ST6GALNAC2: variants seen among roughly 807,000 people sequenced by gnomAD.
ST6GALNAC2 encodes the protein ST6 N-acetylgalactosaminide alpha-2,6-sialyltransferase 2.
ST6GALNAC2 carries 42 observed loss-of-function variants against 38.7 expected under a neutral mutation model. That is an observed-to-expected ratio of 1.09 (90% confidence interval 0.85 to 1.40). The LOEUF is 1.40. Ranked by LOEUF, ST6GALNAC2 falls within the 40% of genes most tolerant of loss-of-function variation. ST6GALNAC2 has a pLI of 0.00. For synonymous variants in ST6GALNAC2, 233 were observed against 209.0 expected, an observed-to-expected ratio of 1.11 and a Z score of -0.99; for missense variants, 506 against 481.7, an observed-to-expected ratio of 1.05 and a Z score of -0.47.
intron 2 of ST6GALNAC2, among the ~76,000 whole-genome samples, chr17:76,577,930 G>C (rs1262324770): frequency 6.6e-6 from 1 of 152,110 alleles, no homozygotes; most frequent in Non-Finnish European, 1.5e-5. Context: ...CTGTGTCTCT[G>C]AACAGCTTGG....
chr17:76,579,471 T>G (rs1197005630), intron 1 of ST6GALNAC2, among the ~76,000 whole-genome samples: 2 of 152,244 alleles, frequency 1.3e-5, no homozygotes, highest in Non-Finnish European at 2.9e-5. Flanking sequence ...AGGTCTGAGA[T>G]GACTGGGCCT....
At chr17:76,580,758 TA>T (rs2075466526) in intron 1 of ST6GALNAC2, among the ~76,000 whole-genome samples, 1 of 150,718 alleles carries the variant, frequency 6.6e-6, no homozygotes, top group Non-Finnish European at 1.5e-5. Context: ...AAAAAGAAAA[TA>T]AAAGAAAAAT....
chr17:76,566,130 C>G lies in ST6GALNAC2; in HGVS notation c.1099G>C (p.Gly367Arg), dbSNP rs764432426. The change falls in exon 9 of 9, where the codon GGC (glycine) becomes CGC (arginine). Residue 367 changes from glycine to arginine, a missense_variant. Gly to Arg is a moderately radical substitution (Grantham distance 125). Coordinates refer to ENST00000225276, the MANE Select transcript of ST6GALNAC2 (RefSeq NM_006456.3). ...CAGCGCTGGTACAGCTGAAGGATGCCGGCCTTGTGCAGGTCCCTCCACAGG... is the reference window on the plus strand; with the variant it reads ...CAGCGCTGGTACAGCTGAAGGATGCGGGCCTTGTGCAGGTCCCTCCACAGG... ...AALWRDLHKA[G>R]ILQLYQR 1.2e-6 allele frequency: 2 copies of G among 1,614,058 alleles called. No homozygotes were observed. Among genetic ancestry groups the G allele is most frequent in the Non-Finnish European group, 1.7e-6 (2 of 1,179,982 alleles).
chr17:76,571,045 C>G lies in ST6GALNAC2; in HGVS notation c.670-377G>C, dbSNP rs142795830. Reference sequence around the variant, plus strand: ...AGTTAGCTGCCATGTCGTGAGGACACTCAAATAGCCTACAGAGGGCCCAAG... The same window carrying G: ...AGTTAGCTGCCATGTCGTGAGGACAGTCAAATAGCCTACAGAGGGCCCAAG... On this transcript the variant is annotated intron_variant, in intron 5 of 8. Coordinates refer to ENST00000225276, the MANE Select transcript of ST6GALNAC2 (RefSeq NM_006456.3). 3.5e-3 allele frequency: 605 copies of G among 174,232 alleles called. 5 individuals are homozygous for G. Among genetic ancestry groups the G allele is most frequent in the African/African-American group, 0.013 (569 of 42,432 alleles). The allele number at this position is 174,232 out of a possible 1,614,324, so 10.8% of individuals were successfully genotyped here.
chr17:76,574,539 C>T lies in ST6GALNAC2; in HGVS notation c.187G>A (p.Gly63Ser). 7.0e-7 allele frequency: 1 copy of T among 1,426,948 alleles called. No individual in the cohort carries two copies. Among genetic ancestry groups the T allele is most frequent in the Non-Finnish European group, 9.4e-7 (1 of 1,062,492 alleles). 88.4% of individuals were successfully genotyped at this position (1,426,948 alleles called of 1,614,324 possible). Residue 63 changes from glycine (G) to serine (S), a missense_variant and splice_region_variant, in exon 3 of 9, where the codon GGC becomes AGC. Coordinates refer to ENST00000225276, the MANE Select transcript of ST6GALNAC2 (RefSeq NM_006456.3). ...SKASNSWTGK[G>S]QACRHLLHLA... ...TGAAGCAGGTGTCGGCAGGCCTGGCCCTGTGGGTGAGAAGGTGAGGGCTGA... is the reference window on the plus strand; with the variant it reads ...TGAAGCAGGTGTCGGCAGGCCTGGCTCTGTGGGTGAGAAGGTGAGGGCTGA...
intron 7 of ST6GALNAC2, 181 bp from the exon 8 acceptor site, chr17:76,567,733 G>A (rs2075302803): frequency 1.9e-6 from 1 of 537,792 alleles, no homozygotes; most frequent in Non-Finnish European, 3.3e-6. Flanking sequence ...AAGGTTGGGG[G>A]AGGGGGTGGT....
rs1017409638 is a variant in ST6GALNAC2, at chr17:76,573,951, A to G, written c.361+414T>C. Among the ~76,000 whole-genome samples, 12 of 152,070 alleles carry G rather than the reference A, an allele frequency of 7.9e-5. No individual in the cohort carries two copies. The highest frequency in any genetic ancestry group is 2.7e-4 in the African/African-American group (11 of 41,406). ...AAAAATAAAAAAGACTGTATATTGC[A>G]AAAGAAAAGAATCGGAGGCCTGTGG... On this transcript the variant is annotated intron_variant, in intron 3 of 8. Coordinates refer to ENST00000225276, the MANE Select transcript of ST6GALNAC2 (RefSeq NM_006456.3). The surrounding 1 kb of genome is among the most constrained non-coding windows in gnomAD (Gnocchi z 5.1).
Position 76,574,350 on chromosome 17 carries a change from G to T in ST6GALNAC2, c.361+15C>A. 1 of 1,606,488 alleles carries T rather than the reference G, an allele frequency of 6.2e-7. No homozygotes were observed. The highest frequency in any genetic ancestry group is 1.7e-4 in the Middle Eastern group (1 of 6,022). On this transcript the variant is annotated intron_variant, in intron 3 of 8. Transcript: ENST00000225276. The stretch of plus-strand genomic sequence containing the variant: ...TAAGGCAGAAGGCAGGTGAGAGACA[G>T]CGGGCGCGGGTTACCTTGGTGAGAG...
At chr17:76,575,613 C>T (rs2075407131) in intron 2 of ST6GALNAC2, among the ~76,000 whole-genome samples, 1 of 152,218 alleles carries the variant, frequency 6.6e-6, no homozygotes, top group Non-Finnish European at 1.5e-5. Context: ...GGCTCCAGAA[C>T]TGTGACGATT....
chr17:76,570,323 T>G (rs1322301610), intron 6 of ST6GALNAC2: 13 of 495,724 alleles, frequency 2.6e-5, no homozygotes, highest in Non-Finnish European at 3.3e-5. Flanking sequence ...CCCAGCCCAC[T>G]GCCCCCAGAG....
chr17:76,573,286 T>A lies in ST6GALNAC2; in HGVS notation c.439A>T (p.Lys147Ter). The change falls in exon 4 of 9, where the codon AAG becomes TAG. Residue 147 changes from lysine to a stop codon, truncating the protein, a stop_gained. Coordinates refer to ENST00000225276, the MANE Select transcript of ST6GALNAC2 (RefSeq NM_006456.3). LOFTEE classifies it high-confidence loss of function. The surrounding 1 kb of genome is among the most constrained non-coding windows in gnomAD (Gnocchi z 5.1). ...LFAPPRDTPP[K>*]CIRCAVVGNG... ...CCCACCACGGCACACCGGATACACTTTGGAGGGGTGTCCCTGGGCGGGGCA... is the reference window on the plus strand; with the variant it reads ...CCCACCACGGCACACCGGATACACTATGGAGGGGTGTCCCTGGGCGGGGCA... The A allele has an allele frequency of 6.2e-7, 1 of 1,608,556 alleles. No homozygotes were observed. Among genetic ancestry groups the A allele is most frequent in the Non-Finnish European group, 8.5e-7 (1 of 1,177,542 alleles).
intron 1 of ST6GALNAC2, 78 bp from the exon 2 acceptor site, chr17:76,578,894 C>A: frequency 1.5e-6 from 2 of 1,332,854 alleles, no homozygotes; most frequent in South Asian, 1.3e-5. Flanking sequence ...GACCGACCCC[C>A]TTAGCTCTAG....
At chr17:76,577,954 C>G (rs967532756) in intron 2 of ST6GALNAC2, among the ~76,000 whole-genome samples, 6 of 152,140 alleles carry the variant, frequency 3.9e-5, no homozygotes, top group Non-Finnish European at 8.8e-5. Flanking sequence ...TCGCTAAGCT[C>G]TAGCATGCAG....
At chr17:76,575,392 G>A (rs1180284088) in intron 2 of ST6GALNAC2, among the ~76,000 whole-genome samples, 1 of 152,190 alleles carries the variant, frequency 6.6e-6, no homozygotes, top group East Asian at 1.9e-4. Flanking sequence ...CTTTGGAGAT[G>A]GAATTAGTTA....
intron 1 of ST6GALNAC2, among the ~76,000 whole-genome samples, chr17:76,583,150 C>T (rs756370826): frequency 2.6e-5 from 4 of 151,988 alleles, no homozygotes; most frequent in Admixed American, 6.6e-5. Flanking sequence ...CCCAGGTGGA[C>T]GGATCACGAG....
intron 3 of ST6GALNAC2, among the ~76,000 whole-genome samples, chr17:76,574,028 G>A (rs1030233926): frequency 2.6e-5 from 4 of 152,174 alleles, no homozygotes; most frequent in Non-Finnish European, 5.9e-5. Context: ...GCAGTGTGGG[G>A]GTTCCTGCAG....
intron 5 of ST6GALNAC2, 67 bp from the exon 6 acceptor site, chr17:76,570,735 C>A: frequency 7.9e-7 from 1 of 1,265,320 alleles, no homozygotes; most frequent in Non-Finnish European, 1.1e-6. Context: ...GTGTGGACAG[C>A]CCTCCACCCA....
chr17:76,566,886 C>T (rs2075290712), intron 8 of ST6GALNAC2, among the ~76,000 whole-genome samples: 1 of 152,072 alleles, frequency 6.6e-6, no homozygotes, highest in Non-Finnish European at 1.5e-5. Context: ...ATTTGGCCCC[C>T]AGCTCTCCAT....
chr17:76,585,543 T>C, intron 1 of ST6GALNAC2, 141 bp downstream of exon 1: 2 of 981,492 alleles, frequency 2.0e-6, no homozygotes, highest in Admixed American at 4.0e-5. Context: ...CGCGGCCGAG[T>C]CCTCGCTGAG....
Sources: gnomAD v4.1 joint callset for allele counts (sites outside exome capture counted in the v4.1 genomes callset) on GRCh38, gnomAD v4.1.1 for gene constraint, Gnocchi (gnomAD v3.1) non-coding constraint, MANE v1.5 for transcripts, NCBI Gene and HGNC (gene_info 2026-07-23, HGNC 2026-07-21) for gene names.